SV2C: variants seen among roughly 807,000 people sequenced by gnomAD.
SV2C encodes solute carrier family 22 member B3.
A neutral mutation model predicts 79.7 loss-of-function variants in SV2C; 49 were observed. The ratio of observed to expected loss-of-function variants is 0.61; its 90% CI spans 0.49 to 0.78. The LOEUF is 0.78. Ranked by LOEUF, SV2C falls within the 30% of genes least tolerant of loss-of-function variation. The pLI, the probability that SV2C is intolerant of heterozygous loss-of-function variation, is 0.00. For missense variants in SV2C, 833 were observed against 912.9 expected, an observed-to-expected ratio of 0.91 and a Z score of 1.13; for synonymous variants, 334 against 333.2, an observed-to-expected ratio of 1.00 and a Z score of -0.03.
chr5:75,853,871 G>C, the SV2C span, among the ~76,000 whole-genome samples: 6 of 149,856 alleles, frequency 4.0e-5, no homozygotes, highest in African/African-American at 1.5e-4. Context: ...ACTTTATTCA[G>C]GTAAAATGTA....
chr5:76,336,651 G>A (rs1304914376), downstream of SV2C, among the ~76,000 whole-genome samples: 5 of 152,036 alleles, frequency 3.3e-5, no homozygotes, highest in Non-Finnish European at 1.5e-5. Context: ...GGCACCACTG[G>A]AGGCCGAGGC....
In SV2C at chr5:76,087,724, G is replaced by A. The variant is rs527283196; in HGVS notation, c.-102+4212G>A. Among the ~76,000 whole-genome samples the A allele has an allele frequency of 3.3e-5, 5 of 152,266 alleles. No individual in the cohort carries two copies. In the South Asian group the frequency reaches 8.3e-4, roughly 25 times the overall value. On this transcript the variant is annotated intron_variant, in intron 1 of 12. Transcript: ENST00000502798. ...ATTTGAACTAGTACTAGATAGGATA[G>A]CAAGAACCCAGCATGCATGGACTTT...
chr5:76,009,893 T>A, the SV2C span, among the ~76,000 whole-genome samples: 1 of 151,686 alleles, frequency 6.6e-6, no homozygotes, highest in Non-Finnish European at 1.5e-5. Flanking sequence ...ATGTACCCCC[T>A]GAATCTCAAA....
intron 4 of SV2C, among the ~76,000 whole-genome samples, chr5:76,262,195 T>C (rs1746491795): frequency 6.6e-6 from 1 of 152,226 alleles, no homozygotes; most frequent in Non-Finnish European, 1.5e-5. Flanking sequence ...AATTTATCCA[T>C]TTCTTCTAGA....
intron 2 of SV2C, among the ~76,000 whole-genome samples, chr5:76,169,432 AATT>A (rs1042322875): frequency 6.6e-6 from 1 of 152,156 alleles, no homozygotes; most frequent in African/African-American, 2.4e-5. Flanking sequence ...AAAAACTGGG[AATT>A]AAGGGTATTA....
At chr5:76,153,484 C>G (rs1017684466) in intron 2 of SV2C, among the ~76,000 whole-genome samples, 17 of 152,134 alleles carry the variant, frequency 1.1e-4, no homozygotes, top group African/African-American at 2.4e-5. Flanking sequence ...CTTAGTCATC[C>G]AGCAAACACT....
At chr5:75,863,960 T>C in the SV2C span, among the ~76,000 whole-genome samples, 8 of 152,252 alleles carry the variant, frequency 5.3e-5, no homozygotes, top group African/African-American at 1.9e-4. Flanking sequence ...GACTTTCTGC[T>C]TATTACATAA....
chr5:76,324,763 G>A lies in SV2C; in HGVS notation c.2001-601G>A, dbSNP rs369817895. Among the ~76,000 whole-genome samples the A allele has an allele frequency of 1.3e-4, 20 of 152,258 alleles. 1 individual carries two copies. The East Asian group carries it at 2.3e-3, about 18-fold the overall frequency. On this transcript the variant is annotated intron_variant, in intron 12 of 12. Transcript: ENST00000502798. The stretch of plus-strand genomic sequence containing the variant: ...AGTAGCAACTCAGGAGGCTGAGGTA[G>A]GAGGATCACTTGAACCTGCGAAGTG...
At chr5:76,173,464 G>T (rs528021141) in intron 2 of SV2C, among the ~76,000 whole-genome samples, 2 of 152,258 alleles carry the variant, frequency 1.3e-5, no homozygotes, top group South Asian at 4.1e-4. Flanking sequence ...AAAGTGATTA[G>T]AATGTGCAAA....
chr5:76,032,260 A>G, the SV2C span, among the ~76,000 whole-genome samples: 1 of 150,974 alleles, frequency 6.6e-6, no homozygotes, highest in Non-Finnish European at 1.5e-5. Flanking sequence ...TTTTTTTATT[A>G]TTATTATACT....
At chr5:76,230,506 A>G (rs1306937392) in intron 4 of SV2C, among the ~76,000 whole-genome samples, 1 of 152,248 alleles carries the variant, frequency 6.6e-6, no homozygotes, top group African/African-American at 2.4e-5. Context: ...TTTATGAAGA[A>G]CAAATAACAT....
chr5:76,282,972 A>G (rs1419358421), intron 4 of SV2C, among the ~76,000 whole-genome samples: 1 of 152,184 alleles, frequency 6.6e-6, no homozygotes, highest in Non-Finnish European at 1.5e-5. Context: ...AGATCATGCC[A>G]CTGCCCTCTA....
intron 4 of SV2C, among the ~76,000 whole-genome samples, chr5:76,211,405 A>G (rs1332639902): frequency 6.6e-6 from 1 of 152,160 alleles, no homozygotes; most frequent in African/African-American, 2.4e-5. Context: ...GGAAAGGTCA[A>G]TTGAATCCAG....
intron 2 of SV2C, among the ~76,000 whole-genome samples, chr5:76,151,016 C>A (rs1749588376): frequency 6.6e-6 from 1 of 152,146 alleles, no homozygotes; most frequent in Admixed American, 6.5e-5. Context: ...CAACCAGATA[C>A]AAACTATCTG....
chr5:76,293,870 G>A (rs1747644782), intron 8 of SV2C, among the ~76,000 whole-genome samples: 1 of 152,172 alleles, frequency 6.6e-6, no homozygotes, highest in Non-Finnish European at 1.5e-5. Flanking sequence ...CTGAGGCTTA[G>A]ATAACTGGCC....
the SV2C span, among the ~76,000 whole-genome samples, chr5:76,001,581 T>C: frequency 1.5e-5 from 2 of 135,016 alleles, no homozygotes; most frequent in African/African-American, 5.4e-5. Context: ...AGAGCAAGAC[T>C]CCATCTCAGA....
intron 11 of SV2C, 97 bp from the exon 12 acceptor site, chr5:76,301,289 A>T: frequency 6.7e-7 from 1 of 1,500,318 alleles, no homozygotes; most frequent in African/African-American, 1.4e-5. Flanking sequence ...GCTTCCACTT[A>T]GAATTCAGTT....
At chr5:76,026,754 G>C in the SV2C span, among the ~76,000 whole-genome samples, 1 of 152,264 alleles carries the variant, frequency 6.6e-6, no homozygotes, top group African/African-American at 2.4e-5. Context: ...AAAATAAAGA[G>C]AACAAATAAA....
At chr5:76,280,617 G>A (rs1055370203) in intron 4 of SV2C, among the ~76,000 whole-genome samples, 3 of 152,188 alleles carry the variant, frequency 2.0e-5, no homozygotes, top group Non-Finnish European at 4.4e-5. Flanking sequence ...TTCTGGAGAA[G>A]TCCAAGCAAA....
Sources: gnomAD v4.1 joint callset for allele counts (sites outside exome capture counted in the v4.1 genomes callset) on GRCh38, gnomAD v4.1.1 for gene constraint, MANE v1.5 for transcripts, NCBI Gene and HGNC (gene_info 2026-07-23, HGNC 2026-07-21) for gene names.